LIPN: variants seen among roughly 807,000 people sequenced by gnomAD.
LIPN encodes the protein lipase family member N.
In LIPN, 32 loss-of-function variants were observed where a neutral mutation model predicts 43.7. The ratio of observed to expected loss-of-function variants is 0.73; its 90% CI spans 0.55 to 0.98. The LOEUF (loss-of-function observed/expected upper bound fraction) is 0.98, where lower values mean the gene tolerates loss of function less well. Among genes scored for constraint, LIPN ranks in the 50% least tolerant of loss-of-function variants. The pLI, the probability that LIPN is intolerant of heterozygous loss-of-function variation, is 0.00. For missense variants in LIPN, 505 were observed against 483.8 expected (o/e 1.04, Z -0.41); for synonymous variants, 156 against 157.6 (o/e 0.99, Z 0.08).
At position 88,762,218 on chromosome 10, in the gene LIPN, A is replaced by C. The variant is rs761647713; in HGVS notation, c.139A>C (p.Ser47Arg). ...SEIIIYNGYP[S>R]EEYEVTTEDG... ...AATCATCATCTACAATGGCTACCCC[A>C]GTGAAGAGTATGAAGTCACCACTGA... Residue 47 changes from serine to arginine, a missense_variant, in exon 3 of 10, where the codon AGT becomes CGT. By Grantham distance (110) the Ser-to-Arg change is moderately radical (BLOSUM62 -1). Transcript: ENST00000404459. The C allele has an allele frequency of 2.5e-6, 4 of 1,607,186 alleles. No homozygotes were observed. In the East Asian group the frequency reaches 6.7e-5, roughly 27 times the overall value.
At position 88,778,379 on chromosome 10, in the gene LIPN, T is replaced by G. The variant is rs1843332518; in HGVS notation, c.*137T>G. Reference sequence around the variant, plus strand: ...AGTGGAGTCTGTTTTCCAAGTCAATTGTGTTAGTGTTATTTATGTTTAGAG... The same window carrying G: ...AGTGGAGTCTGTTTTCCAAGTCAATGGTGTTAGTGTTATTTATGTTTAGAG... On this transcript the variant is annotated 3_prime_UTR_variant, in exon 10 of 10. Coordinates refer to ENST00000404459, the MANE Select transcript of LIPN (RefSeq NM_001102469.2). 1.6e-6 allele frequency: 1 copy of G among 624,020 alleles called. No individual in the cohort carries two copies. Among genetic ancestry groups the G allele is most frequent in the Non-Finnish European group, 2.8e-6 (1 of 356,546 alleles). 38.7% of individuals were successfully genotyped at this position (624,020 alleles called of 1,614,324 possible). A position where few individuals can be genotyped will look rare whatever the true frequency, so the allele number is the denominator to read the frequency against.
At chr10:88,761,335 T>C in intron 1 of LIPN, 63 bp from the exon 2 acceptor site, 3 of 966,808 alleles carry the variant, frequency 3.1e-6, no homozygotes, top group Non-Finnish European at 5.0e-6. Context: ...ACTAATCATT[T>C]TATTTCATTA....
At position 88,778,797 on chromosome 10, in the gene LIPN, A is replaced by G. The variant is rs962729466; in HGVS notation, c.*555A>G. Among the ~76,000 whole-genome samples, 2 of 152,180 alleles carry G rather than the reference A, an allele frequency of 1.3e-5. No homozygotes were observed. The highest frequency in any genetic ancestry group is 4.8e-5 in the African/African-American group (2 of 41,450). On this transcript the variant is annotated 3_prime_UTR_variant, in exon 10 of 10. Transcript: ENST00000404459. ...TCCAGAGAAGCCCTCTTTTCTTACA[A>G]TCTTATCCCTGGCTATCTGCGTAAA...
At chr10:88,761,554 G>A (rs1443217154) in intron 2 of LIPN, 41 bp downstream of exon 2, 2 of 1,349,128 alleles carry the variant, frequency 1.5e-6, no homozygotes, top group South Asian at 1.2e-5. Context: ...AATAAAGCAG[G>A]ACTAATGGAG....
At position 88,775,950 on chromosome 10, in the gene LIPN, A is replaced by G. The variant is rs73356700; in HGVS notation, c.963+787A>G. Among the ~76,000 whole-genome samples the G allele has an allele frequency of 5.9e-3, 899 of 152,198 alleles. 5 individuals are homozygous for G. Among genetic ancestry groups the G allele is most frequent in the African/African-American group, 0.018 (745 of 41,558 alleles). On this transcript the variant is annotated intron_variant, in intron 9 of 9. Transcript: ENST00000404459. ...AATAATGAATTGGCCTGTTAGAGGA[A>G]TAATTCTACTAATCCTTAAAACCAC... is the stretch of plus-strand genomic sequence containing the variant.
At chr10:88,764,708 T>A in intron 4 of LIPN, 100 bp downstream of exon 4, 1 of 761,820 alleles carries the variant, frequency 1.3e-6, no homozygotes, top group Non-Finnish European at 2.0e-6. Context: ...TGAAGTCATA[T>A]AGCTCCTTGT....
In LIPN at chr10:88,764,452, A is replaced by G. The variant is rs766918769; in HGVS notation, c.269A>G (p.Asp90Gly). 1.2e-6 allele frequency: 2 copies of G among 1,612,308 alleles called. No individual in the cohort carries two copies. Among genetic ancestry groups the G allele is most frequent in the Non-Finnish European group, 1.7e-6 (2 of 1,179,042 alleles). Residue 90 changes from aspartate to glycine, a missense_variant, in exon 4 of 10, where the codon GAC (aspartate) becomes GGC (glycine). By Grantham distance (94) the Asp-to-Gly change is moderately conservative. Transcript: ENST00000404459. The part of the protein sequence containing the change: ...VVYMQHALFA[D>G]NAYWLENYAN... ...TATATGCAGCATGCCCTGTTTGCAGACAATGCCTACTGGCTTGAGAATTAT... is the reference window on the plus strand; with the variant it reads ...TATATGCAGCATGCCCTGTTTGCAGGCAATGCCTACTGGCTTGAGAATTAT...
In LIPN at chr10:88,762,310, A is replaced by G. The variant is rs769621627; in HGVS notation, c.226+5A>G. 1.3e-6 allele frequency: 2 copies of G among 1,552,384 alleles called. No homozygotes were observed. The highest frequency in any genetic ancestry group is 1.8e-6 in the Non-Finnish European group (2 of 1,130,128). On this transcript the variant is annotated splice_donor_5th_base_variant and intron_variant, in intron 3 of 9. Transcript: ENST00000404459. The stretch of plus-strand genomic sequence containing the variant: ...GAACACATGCTAGGAGCACAGGTAC[A>G]AGATATGTCTCTCCTGAAAAGGGGA...
At chr10:88,767,644 C>CA (rs61646268) in intron 5 of LIPN, among the ~76,000 whole-genome samples, 4 of 61,522 alleles carry the variant, frequency 6.5e-5, no homozygotes, top group Non-Finnish European at 1.2e-4. Context: ...ACTTGATCTG[C>CA]AAAAAAAAAA....
At chr10:88,761,767 C>CTATG (rs879759634) in intron 2 of LIPN, among the ~76,000 whole-genome samples, 1,875 of 73,386 alleles carry the variant, frequency 0.026, 17 homozygotes, top group Middle Eastern at 0.08. Context: ...ATCTATGTAT[C>CTATG]TATCTATCTA....
rs1564578851 is a variant in LIPN at position 88,762,278 on chromosome 10, T to C, written c.199T>C (p.Tyr67His). The C allele has an allele frequency of 1.2e-6, 2 of 1,607,432 alleles. No individual in the cohort carries two copies. The highest frequency in any genetic ancestry group is 2.2e-5 in the South Asian group (2 of 89,842). Reference sequence around the variant, plus strand: ...TATACTCCTTGTCAACAGAATTCCTTATGGGCGAACACATGCTAGGAGCAC... The same window carrying C: ...TATACTCCTTGTCAACAGAATTCCTCATGGGCGAACACATGCTAGGAGCAC... ...GYILLVNRIP[Y>H]GRTHARSTGP... Residue 67 changes from tyrosine to histidine, a missense_variant, in exon 3 of 10, where the codon TAT becomes CAT. Tyr to His is a moderately conservative substitution (Grantham distance 83). Transcript: ENST00000404459.
intron 6 of LIPN, among the ~76,000 whole-genome samples, chr10:88,770,416 A>T (rs902368301): frequency 2.7e-5 from 4 of 150,244 alleles, no homozygotes; most frequent in African/African-American, 9.8e-5. Context: ...TCTACATTTC[A>T]TACCAATTAA....
intron 2 of LIPN, among the ~76,000 whole-genome samples, chr10:88,761,964 C>T (rs570463957): frequency 6.6e-6 from 1 of 152,092 alleles, no homozygotes; most frequent in African/African-American, 2.4e-5. Flanking sequence ...AAGAATGGGT[C>T]AATGCTAAAT....
intron 4 of LIPN, 56 bp downstream of exon 4, chr10:88,764,664 A>T: frequency 8.1e-7 from 1 of 1,241,936 alleles, no homozygotes; most frequent in East Asian, 2.4e-5. Flanking sequence ...TAAAAAAAAT[A>T]ACGTGGACGC....
chr10:88,774,206 A>G (rs1390883141), intron 7 of LIPN, among the ~76,000 whole-genome samples: 2 of 151,994 alleles, frequency 1.3e-5, no homozygotes, highest in Non-Finnish European at 2.9e-5. Flanking sequence ...GATGACCATT[A>G]CTGTTCCTTC....
Position 88,778,975 on chromosome 10 carries a change from G to C in LIPN, c.*733G>C, listed in dbSNP as rs995803258. On this transcript the variant is annotated 3_prime_UTR_variant, in exon 10 of 10. Transcript: ENST00000404459. ...TTTACAGGCTTTTTGTTCTTTGAGG[G>C]GTTTGAACATTCCATGAAAAACTGA... Among the ~76,000 whole-genome samples the C allele has an allele frequency of 6.6e-6, 1 of 151,944 alleles. No individual in the cohort carries two copies. The highest frequency in any genetic ancestry group is 1.5e-5 in the Non-Finnish European group (1 of 67,972).
intron 9 of LIPN, among the ~76,000 whole-genome samples, chr10:88,776,691 C>T (rs1447771037): frequency 3.3e-5 from 5 of 152,050 alleles, no homozygotes; most frequent in Non-Finnish European, 7.4e-5. Flanking sequence ...GATTTCTCAT[C>T]ATTTTGTTCA....
upstream of LIPN, among the ~76,000 whole-genome samples, chr10:88,759,936 T>C (rs1241623185): frequency 1.3e-5 from 2 of 152,080 alleles, no homozygotes; most frequent in African/African-American, 4.8e-5. Context: ...CTTGGGTGTG[T>C]GTCTCAGTCT....
At chr10:88,763,212 T>G in intron 3 of LIPN, among the ~76,000 whole-genome samples, 1 of 152,044 alleles carries the variant, frequency 6.6e-6, no homozygotes. Context: ...AAACAACAAA[T>G]AATTTTGTAT....
Sources: gnomAD v4.1 joint callset for allele counts (sites outside exome capture counted in the v4.1 genomes callset) on GRCh38, gnomAD v4.1.1 for gene constraint, MANE v1.5 for transcripts, NCBI Gene and HGNC (gene_info 2026-07-23, HGNC 2026-07-21) for gene names.